Variants in ENO3 observed in about 807,000 individuals in gnomAD.
ENO3 encodes enolase 3, also known as beta-enolase.
ENO3 carries 46 observed loss-of-function variants against 47.7 expected under a neutral mutation model. That is an observed-to-expected ratio of 0.96 (90% CI 0.76 to 1.23). The LOEUF (loss-of-function observed/expected upper bound fraction) is 1.23. ENO3 is among the 50% of genes most tolerant of loss of function. ENO3 has a pLI of 0.00. For missense variants in ENO3, 575 were observed against 566.2 expected, an observed-to-expected ratio of 1.02 and a Z score of -0.16; for synonymous variants, 223 against 225.9, an observed-to-expected ratio of 0.99 and a Z score of 0.11.
chr17:4,956,800 C>G (rs370234261), intron 10 of ENO3, 31 bp from the exon 11 acceptor site: 2 of 1,614,210 alleles, frequency 1.2e-6, no homozygotes, highest in East Asian at 2.2e-5. Context: ...CCAGCCTCAC[C>G]TAACCCTCCA....
intron 6 of ENO3, among the ~76,000 whole-genome samples, chr17:4,954,681 G>A (rs557498152): frequency 1.3e-5 from 2 of 152,158 alleles, no homozygotes; most frequent in South Asian, 2.1e-4. Flanking sequence ...TCGGGAGGCC[G>A]AGGCGGGCAG....
At chr17:4,955,639 A>G (rs1181696482) in intron 8 of ENO3, 35 bp downstream of exon 8, 6 of 1,612,690 alleles carry the variant, frequency 3.7e-6, no homozygotes, top group Non-Finnish European at 4.2e-6. Context: ...TTCCTGCCCG[A>G]ATCCCGTGCA....
At chr17:4,950,448 T>A, upstream of ENO3, 1 of 545,798 alleles carries the variant, frequency 1.8e-6, no homozygotes, top group Non-Finnish European at 2.3e-6. Context: ...GGAAAGGGGC[T>A]CTGACCGACA....
upstream of ENO3, chr17:4,949,398 A>C (rs1597692310): frequency 6.6e-6 from 1 of 152,206 alleles, no homozygotes; most frequent in East Asian, 1.9e-4. Flanking sequence ...CGCCCCAGGC[A>C]GGCAATGTCT....
At chr17:4,955,908 G>A (rs1277916652) in intron 8 of ENO3, 34 bp from the exon 9 acceptor site, 4 of 1,594,994 alleles carry the variant, frequency 2.5e-6, no homozygotes, top group Non-Finnish European at 3.4e-6. Context: ...TCTCTGCTCT[G>A]TCTCTGCCCT....
intron 5 of ENO3, 100 bp downstream of exon 5, chr17:4,953,441 T>G: frequency 6.5e-6 from 10 of 1,527,866 alleles, no homozygotes; most frequent in Non-Finnish European, 9.1e-6. Context: ...TCCCCCATTT[T>G]GGGTCACACC....
At position 4,957,066 on chromosome 17, in the gene ENO3, A is replaced by C. The variant is rs1299250136; in HGVS notation, c.*19A>C. 6.2e-7 allele frequency: 1 copy of C among 1,613,604 alleles called. No homozygotes were observed. Among genetic ancestry groups the C allele is most frequent in the Non-Finnish European group, 8.5e-7 (1 of 1,179,952 alleles). On this transcript the variant is annotated 3_prime_UTR_variant, in exon 12 of 12. Coordinates refer to ENST00000519602, the MANE Select transcript of ENO3 (RefSeq NM_053013.4). ...CAAGTGAGAAGCTGGAGGCTCCAGGACTCCACTGGACAGACCCAGGTCTTC... is the reference window on the plus strand; with the variant it reads ...CAAGTGAGAAGCTGGAGGCTCCAGGCCTCCACTGGACAGACCCAGGTCTTC...
upstream of ENO3, among the ~76,000 whole-genome samples, chr17:4,949,614 G>A (rs967004536): frequency 6.6e-6 from 1 of 152,014 alleles, no homozygotes; most frequent in African/African-American, 2.4e-5. Flanking sequence ...CCTGGGGAGG[G>A]CGGGACGGGC....
At chr17:4,949,527 G>A (rs1474892006), upstream of ENO3, among the ~76,000 whole-genome samples, 1 of 151,798 alleles carries the variant, frequency 6.6e-6, no homozygotes, top group East Asian at 1.9e-4. Context: ...TGCAAGAGTG[G>A]CAACTTTTTC....
Position 4,952,857 on chromosome 17 carries a change from AGAGACG to A in ENO3, c.154_159del (p.Gly52_Asp53del), listed in dbSNP as rs1567670643. On this transcript the variant is annotated inframe_deletion, in exon 3 of 12. Transcript: ENST00000519602. Reference sequence around the variant, plus strand: ...GGGTATCTATGAGGCTCTGGAACTAAGAGACGGAGACAAAGGCCGCTACCTGGGGAA... The same window carrying A: ...GGGTATCTATGAGGCTCTGGAACTAAGAGACAAAGGCCGCTACCTGGGGAA... 6.2e-7 allele frequency: 1 copy of A among 1,612,708 alleles called. No homozygotes were observed. Among genetic ancestry groups the A allele is most frequent in the Non-Finnish European group, 8.5e-7 (1 of 1,179,286 alleles).
At chr17:4,949,511 T>C (rs534528956), upstream of ENO3, among the ~76,000 whole-genome samples, 1 of 152,138 alleles carries the variant, frequency 6.6e-6, no homozygotes, top group East Asian at 1.9e-4. Context: ...GGAAGAATAC[T>C]CAAGTTGCAA....
At chr17:4,949,907 C>T (rs1194185731), upstream of ENO3, among the ~76,000 whole-genome samples, 4 of 152,094 alleles carry the variant, frequency 2.6e-5, no homozygotes, top group African/African-American at 9.7e-5. Context: ...GCGGCGCTCC[C>T]CGCCCGCCAT....
At chr17:4,952,713 A>C in intron 2 of ENO3, 82 bp from the exon 3 acceptor site, 1 of 1,343,944 alleles carries the variant, frequency 7.4e-7, no homozygotes, top group Non-Finnish European at 1.0e-6. Flanking sequence ...CCACCTGCCT[A>C]GGCCTCTCAA....
At chr17:4,956,765 T>G in intron 10 of ENO3, 66 bp from the exon 11 acceptor site, 1 of 1,613,980 alleles carries the variant, frequency 6.2e-7, no homozygotes, top group Non-Finnish European at 8.5e-7. Context: ...AATGCTCCCT[T>G]GGGGCCAGGT....
rs1971675855 is a variant in ENO3, at chr17:4,955,105, G to C, written c.475G>C (p.Ala159Pro). 6.2e-7 allele frequency: 1 copy of C among 1,611,736 alleles called. No homozygotes were observed. The highest frequency in any genetic ancestry group is 1.1e-5 in the South Asian group (1 of 91,060). The change falls in exon 7 of 12, where the codon GCT becomes CCT. Residue 159 changes from alanine to proline, a missense_variant. Ala to Pro is a conservative substitution (Grantham distance 27). Transcript: ENST00000519602. Reference protein sequence around the residue: ...AFNVINGGSHAGNKLAMQEFM... With the variant: ...AFNVINGGSHPGNKLAMQEFM... The stretch of plus-strand genomic sequence containing the variant: ...CAATGTGATCAACGGGGGCTCCCAT[G>C]CTGGAAACAAGCTGGCCATGCAGGA...
At chr17:4,949,774 G>T (rs890222758), upstream of ENO3, among the ~76,000 whole-genome samples, 2 of 152,150 alleles carry the variant, frequency 1.3e-5, no homozygotes, top group Admixed American at 1.3e-4. Flanking sequence ...TCCCGAGCGC[G>T]GCGCGCATCC....
At chr17:4,954,089 C>T in intron 6 of ENO3, 2 of 615,764 alleles carry the variant, frequency 3.2e-6, no homozygotes, top group Non-Finnish European at 5.7e-6. Context: ...CAATCCTAGG[C>T]TCGATAACTC....
chr17:4,950,694 C>A (rs748340016), upstream of ENO3: 1 of 982,736 alleles, frequency 1.0e-6, no homozygotes, highest in Non-Finnish European at 1.2e-6. Context: ...GACAGAGGCC[C>A]GCCCAGCGAT....
chr17:4,950,925 CAGAA>C (rs1971522484), upstream of ENO3, among the ~76,000 whole-genome samples: 1 of 152,166 alleles, frequency 6.6e-6, no homozygotes, highest in South Asian at 2.1e-4. Flanking sequence ...TATTGGGAGA[CAGAA>C]AGTGGGGGAT....
Sources: gnomAD v4.1 joint callset for allele counts (sites outside exome capture counted in the v4.1 genomes callset) on GRCh38, gnomAD v4.1.1 for gene constraint, MANE v1.5 for transcripts, NCBI Gene and HGNC (gene_info 2026-07-23, HGNC 2026-07-21) for gene names.